SSPN: variants seen among roughly 807,000 people sequenced by gnomAD.
SSPN encodes K-ras oncogene-associated protein.
In SSPN, 15 loss-of-function variants were observed where a neutral mutation model predicts 19.1. The observed-to-expected ratio is 0.78, with a 90% confidence interval of 0.52 to 1.21. The LOEUF (loss-of-function observed/expected upper bound fraction) is 1.21, where lower values mean the gene tolerates loss of function less well. Among genes scored for constraint, SSPN ranks in the 50% most tolerant of loss-of-function variants. The probability of loss-of-function intolerance (pLI) is 0.00; values close to 1 mark genes in which losing one functional copy is unlikely to be tolerated. For missense variants in SSPN, 291 were observed against 314.0 expected (o/e 0.93, Z 0.55); for synonymous variants, 147 against 140.3 (o/e 1.05, Z -0.34).
At chr12:26,218,427 C>A (rs10771270) in intron 1 of SSPN, among the ~76,000 whole-genome samples, 125,302 of 126,550 alleles carry the variant, frequency 0.99, 62,032 homozygotes, top group East Asian at 1. Flanking sequence ...AGCATGGCAC[C>A]TGTATACATA....
intron 1 of SSPN, among the ~76,000 whole-genome samples, chr12:26,145,959 C>T (rs1944487838): frequency 6.6e-6 from 1 of 152,174 alleles, no homozygotes; most frequent in Admixed American, 6.6e-5. Context: ...AGGCTGAAAC[C>T]CTGTTCCTGT....
chr12:26,182,575 CCCCTTCCCCTTCCCTTCCCTT>C (rs1565680269), intron 1 of SSPN, among the ~76,000 whole-genome samples: 4 of 142,020 alleles, frequency 2.8e-5, no homozygotes, highest in African/African-American at 5.2e-5. Context: ...CCTTCCCCTT[CCCCTTCCCCTTCCCTTCCCTT>C]CCCTTCCCTT....
At chr12:26,193,570 A>T (rs1191346993), upstream of SSPN, among the ~76,000 whole-genome samples, 1 of 152,170 alleles carries the variant, frequency 6.6e-6, no homozygotes, top group Non-Finnish European at 1.5e-5. Context: ...AAAACCAAGC[A>T]TTTTGTTGTT....
chr12:26,201,586 G>A (rs1021371866), intron 1 of SSPN, among the ~76,000 whole-genome samples: 28 of 150,922 alleles, frequency 1.9e-4, no homozygotes, highest in African/African-American at 6.9e-4. Flanking sequence ...TGAGGAAATT[G>A]TCCCTAAATC....
At chr12:26,151,494 C>T (rs1166311750) in intron 1 of SSPN, among the ~76,000 whole-genome samples, 2 of 152,188 alleles carry the variant, frequency 1.3e-5, no homozygotes, top group East Asian at 3.8e-4. Context: ...CTTTCACATA[C>T]ATTTTTTGCT....
At chr12:26,169,338 TC>T (rs778609060) in intron 1 of SSPN, among the ~76,000 whole-genome samples, 110 of 152,256 alleles carry the variant, frequency 7.2e-4, no homozygotes, top group Admixed American at 4.3e-3. Flanking sequence ...TTTTGAAATA[TC>T]CTAATGAGAT....
intron 1 of SSPN, among the ~76,000 whole-genome samples, chr12:26,133,187 G>A (rs1483111762): frequency 6.6e-6 from 1 of 152,182 alleles, no homozygotes; most frequent in South Asian, 2.1e-4. Flanking sequence ...CAGGGCTGGC[G>A]AATTTGGTCA....
chr12:26,143,095 T>C (rs1456780162), intron 1 of SSPN, among the ~76,000 whole-genome samples: 2 of 152,228 alleles, frequency 1.3e-5, no homozygotes, highest in African/African-American at 2.4e-5. Context: ...TAGGATATCA[T>C]ACACATATTA....
In SSPN at chr12:26,201,131, C is replaced by A. The variant is rs191567243; in HGVS notation, c.279+5180C>A. 5.2e-3 allele frequency among the ~76,000 whole-genome samples: 774 copies of A among 149,376 alleles called. 4 individuals are homozygous for A. Among genetic ancestry groups the A allele is most frequent in the Non-Finnish European group, 9.0e-3 (608 of 67,550 alleles). The stretch of plus-strand genomic sequence containing the variant: ...GTGTCTTACACCTGTAATCCTGGCA[C>A]TTTGGGAGGCCAAGGCAGGCAAATT... On this transcript the variant is annotated intron_variant, in intron 1 of 2. Transcript: ENST00000242729.
chr12:26,185,316 CA>C (rs764291957), intron 1 of SSPN, among the ~76,000 whole-genome samples: 1 of 151,898 alleles, frequency 6.6e-6, no homozygotes, highest in Non-Finnish European at 1.5e-5. Flanking sequence ...TGCTTATGGA[CA>C]AAAAAACATG....
chr12:26,218,734 G>A (rs1051988826), intron 1 of SSPN, among the ~76,000 whole-genome samples: 3 of 152,304 alleles, frequency 2.0e-5, no homozygotes, highest in Non-Finnish European at 2.9e-5. Context: ...CGTGTGAAAT[G>A]TTCTGTTGCA....
At chr12:26,136,834 A>T (rs1390397545) in intron 1 of SSPN, among the ~76,000 whole-genome samples, 1 of 152,352 alleles carries the variant, frequency 6.6e-6, no homozygotes, top group Non-Finnish European at 1.5e-5. Flanking sequence ...CTTTTAAATC[A>T]TGCTATTTAG....
Position 26,136,392 on chromosome 12 carries a change from G to C in SSPN, c.-31+14240G>C, listed in dbSNP as rs138845133. Among the ~76,000 whole-genome samples, 51 of 152,328 alleles carry C rather than the reference G, an allele frequency of 3.3e-4. No individual in the cohort carries two copies. In the South Asian group the frequency reaches 5.0e-3, roughly 15 times the overall value. ...TCAAGAGGACCTGAGTTTAAATGCT[G>C]TTTTCCCCTGAGTAGCTGTGTGACC... On this transcript the variant is annotated intron_variant, in intron 1 of 2. Transcript: ENST00000538142.
upstream of SSPN, among the ~76,000 whole-genome samples, chr12:26,194,206 C>T (rs1052891269): frequency 2.6e-5 from 4 of 152,142 alleles, no homozygotes; most frequent in Non-Finnish European, 5.9e-5. Context: ...TAGAGGTATG[C>T]GGGAATAAGA....
At chr12:26,124,869 T>A (rs1416003940) in intron 1 of SSPN, 2 of 1,243,424 alleles carry the variant, frequency 1.6e-6, no homozygotes, top group East Asian at 4.6e-5. Flanking sequence ...CTTGGGGGGA[T>A]CTGTGCGTCT....
At chr12:26,216,059 G>T (rs1312706644) in intron 1 of SSPN, among the ~76,000 whole-genome samples, 1 of 152,164 alleles carries the variant, frequency 6.6e-6, no homozygotes, top group Non-Finnish European at 1.5e-5. Flanking sequence ...CAAGTGTTCA[G>T]CACGGGGCTT....
chr12:26,181,678 A>C (rs747406272), intron 1 of SSPN, among the ~76,000 whole-genome samples: 1 of 152,182 alleles, frequency 6.6e-6, no homozygotes, highest in Non-Finnish European at 1.5e-5. Flanking sequence ...TTGGCTTTGT[A>C]GAATAATCTT....
chr12:26,182,745 G>A (rs1030200767), intron 1 of SSPN, among the ~76,000 whole-genome samples: 7 of 146,560 alleles, frequency 4.8e-5, no homozygotes, highest in Non-Finnish European at 8.9e-5. Context: ...TTAAATATGT[G>A]GAGTCTTTTA....
intron 1 of SSPN, among the ~76,000 whole-genome samples, chr12:26,203,284 A>T (rs1944902407): frequency 6.6e-6 from 1 of 152,224 alleles, no homozygotes; most frequent in African/African-American, 2.4e-5. Flanking sequence ...TAGGTCTTCC[A>T]TCCTGGCAAA....
Sources: allele counts gnomAD v4.1 joint callset (sites outside exome capture counted in the v4.1 genomes callset), GRCh38; gene constraint gnomAD v4.1.1; transcripts MANE v1.5; gene names NCBI Gene and HGNC (gene_info 2026-07-23, HGNC 2026-07-21).